ATF6: variants seen among roughly 807,000 people sequenced by gnomAD.
The protein encoded by ATF6 is activating transcription factor 6, also known as cyclic AMP-dependent transcription factor ATF-6 alpha.
Under a neutral mutation model 83.6 loss-of-function variants are expected in ATF6, and 53 were observed. That is an observed-to-expected ratio of 0.63 (90% CI 0.51 to 0.80). The LOEUF (loss-of-function observed/expected upper bound fraction) is 0.80. Among genes scored for constraint, ATF6 ranks in the 30% least tolerant of loss-of-function variants. ATF6 has a pLI of 0.00. For missense variants in ATF6, 744 were observed against 797.9 expected (o/e 0.93, Z 0.81); for synonymous variants, 288 against 285.8 (o/e 1.01, Z -0.08).
intron 15 of ATF6, among the ~76,000 whole-genome samples, chr1:161,955,939 C>T (rs143981200): frequency 2.0e-4 from 31 of 152,264 alleles, no homozygotes; most frequent in Admixed American, 7.2e-4. Context: ...TCTGGTTGGG[C>T]TTAAGATGAC....
chr1:161,783,839 T>G, intron 3 of ATF6, 151 bp from the exon 4 acceptor site: 1 of 591,718 alleles, frequency 1.7e-6, no homozygotes, highest in Non-Finnish European at 3.0e-6. Flanking sequence ...TATATTGTTT[T>G]CTGCATCTTT....
At chr1:161,917,483 C>T (rs906552422) in intron 15 of ATF6, among the ~76,000 whole-genome samples, 4 of 151,270 alleles carry the variant, frequency 2.6e-5, no homozygotes, top group East Asian at 1.9e-4. Context: ...TGCAGTGGTG[C>T]GATCTCAGCT....
chr1:161,858,365 A>G (rs905455494), intron 12 of ATF6, among the ~76,000 whole-genome samples: 5 of 152,140 alleles, frequency 3.3e-5, no homozygotes, highest in African/African-American at 1.2e-4. Flanking sequence ...ATCCAACTAT[A>G]TATTGTTTAT....
chr1:161,869,178 A>G, intron 14 of ATF6, among the ~76,000 whole-genome samples: 1 of 152,050 alleles, frequency 6.6e-6, no homozygotes, highest in Non-Finnish European at 1.5e-5. Context: ...AATAGCAATG[A>G]TATTTTCTAA....
intron 5 of ATF6, 67 bp downstream of exon 5, chr1:161,791,604 AG>A: frequency 6.7e-7 from 1 of 1,496,710 alleles, no homozygotes; most frequent in Non-Finnish European, 8.9e-7. Flanking sequence ...ATTTCTTAAA[AG>A]AAAATGCTGG....
chr1:161,908,571 G>A (rs1172560526), intron 14 of ATF6, among the ~76,000 whole-genome samples: 1 of 142,784 alleles, frequency 7.0e-6, no homozygotes, highest in Non-Finnish European at 1.5e-5. Flanking sequence ...GGGAATAAGA[G>A]TAACAATACA....
At chr1:161,788,789 T>C (rs1684805098) in intron 4 of ATF6, among the ~76,000 whole-genome samples, 1 of 152,116 alleles carries the variant, frequency 6.6e-6, no homozygotes, top group African/African-American at 2.4e-5. Flanking sequence ...GAATCAGTTT[T>C]CCTAACTGTA....
chr1:161,804,536 T>C (rs1250934826), intron 7 of ATF6, among the ~76,000 whole-genome samples: 1 of 152,110 alleles, frequency 6.6e-6, no homozygotes, highest in Non-Finnish European at 1.5e-5. Flanking sequence ...GGAAGGTTGT[T>C]ATGTGGAAAA....
intron 15 of ATF6, among the ~76,000 whole-genome samples, chr1:161,915,567 C>T (rs539322437): frequency 1.7e-4 from 26 of 152,170 alleles, no homozygotes; most frequent in South Asian, 1.2e-3. Context: ...TTATACCATT[C>T]GTCTTTTATA....
At chr1:161,897,897 A>T (rs957310404) in intron 14 of ATF6, among the ~76,000 whole-genome samples, 8 of 152,202 alleles carry the variant, frequency 5.3e-5, no homozygotes, top group African/African-American at 1.9e-4. Context: ...AAGGTTATAT[A>T]TGTGGCTTGC....
chr1:161,799,327 G>T (rs1306063333), intron 6 of ATF6, among the ~76,000 whole-genome samples: 137 of 152,302 alleles, frequency 9.0e-4, no homozygotes, highest in Middle Eastern at 3.4e-3. Context: ...ATTAATGCAG[G>T]AACAGAAAAC....
At chr1:161,798,733 G>A (rs1685076011) in intron 6 of ATF6, among the ~76,000 whole-genome samples, 1 of 152,164 alleles carries the variant, frequency 6.6e-6, no homozygotes, top group South Asian at 2.1e-4. Context: ...CTAATCTCCA[G>A]AATCTACAAG....
chr1:161,930,717 A>G (rs926552040), intron 15 of ATF6, among the ~76,000 whole-genome samples: 12 of 152,190 alleles, frequency 7.9e-5, no homozygotes, highest in African/African-American at 2.7e-4. Flanking sequence ...CCTTCAAGAA[A>G]GACCATATGT....
chr1:161,887,013 AGAAT>A (rs1408342204), intron 14 of ATF6, among the ~76,000 whole-genome samples: 3 of 152,206 alleles, frequency 2.0e-5, no homozygotes, highest in South Asian at 2.1e-4. Flanking sequence ...TCTACAAGAA[AGAAT>A]GAAGGAAGGG....
chr1:161,838,371 A>C (rs1213569783), intron 9 of ATF6, among the ~76,000 whole-genome samples: 1 of 152,194 alleles, frequency 6.6e-6, no homozygotes, highest in Non-Finnish European at 1.5e-5. Context: ...CCAAAACCTA[A>C]ACGCTTAAGA....
intron 14 of ATF6, among the ~76,000 whole-genome samples, chr1:161,897,817 ATAAAG>A (rs1341455797): frequency 6.6e-6 from 1 of 152,216 alleles, no homozygotes; most frequent in Admixed American, 6.5e-5. Context: ...GATACATTAA[ATAAAG>A]TAGATTATTA....
chr1:161,822,402 T>A (rs1264304688), intron 9 of ATF6, among the ~76,000 whole-genome samples: 2 of 152,124 alleles, frequency 1.3e-5, no homozygotes, highest in Non-Finnish European at 2.9e-5. Context: ...GCTGAGAGCT[T>A]GGGAGATGTA....
At chr1:161,778,156 A>C (rs1442049772) in intron 1 of ATF6, 88 bp from the exon 2 acceptor site, 4 of 1,012,696 alleles carry the variant, frequency 3.9e-6, no homozygotes, top group Non-Finnish European at 6.0e-6. Context: ...GAGAAACCTT[A>C]ATAGAGGTGA....
chr1:161,782,020 T>C, intron 3 of ATF6, 21 bp downstream of exon 3: 1 of 1,496,320 alleles, frequency 6.7e-7, no homozygotes, highest in Non-Finnish European at 9.2e-7. Flanking sequence ...GTTTCACTGG[T>C]AAAAGTTTTA....
Sources: allele counts gnomAD v4.1 joint callset (sites outside exome capture counted in the v4.1 genomes callset), GRCh38; gene constraint gnomAD v4.1.1; transcripts MANE v1.5; gene names NCBI Gene and HGNC (gene_info 2026-07-23, HGNC 2026-07-21).